CSMD1: variants seen among roughly 807,000 people sequenced by gnomAD.
CSMD1 encodes the protein CUB and sushi domain-containing protein 1.
A neutral mutation model predicts 417.5 loss-of-function variants in CSMD1; 213 were observed. The ratio of observed to expected loss-of-function variants is 0.51; its 90% confidence interval spans 0.46 to 0.57. The LOEUF (loss-of-function observed/expected upper bound fraction) is 0.57, where lower values mean the gene tolerates loss of function less well. CSMD1 is among the 20% of genes least tolerant of loss of function. CSMD1 has a pLI of 0.00. For missense variants in CSMD1, 6,923 were observed against 4,529.7 expected (o/e 1.53, Z -15.17); for synonymous variants, 2,862 against 1,736.8 (o/e 1.65, Z -16.11).
chr8:4,700,526 TAG>T (rs1274351540), intron 1 of CSMD1, among the ~76,000 whole-genome samples: 1 of 152,074 alleles, frequency 6.6e-6, no homozygotes, highest in Non-Finnish European at 1.5e-5. Context: ...AGGTGTCTAA[TAG>T]AGAGACAAGA....
At chr8:3,353,048 A>T (rs1393148384) in intron 21 of CSMD1, among the ~76,000 whole-genome samples, 1 of 152,192 alleles carries the variant, frequency 6.6e-6, no homozygotes, top group Non-Finnish European at 1.5e-5. Flanking sequence ...AACCCCAGGC[A>T]ATCTGTTATC....
At chr8:3,413,425 C>G (rs1484908092) in intron 12 of CSMD1, among the ~76,000 whole-genome samples, 1 of 152,190 alleles carries the variant, frequency 6.6e-6, no homozygotes, top group African/African-American at 2.4e-5. Context: ...TATCCTGATG[C>G]ATGGCTACGG....
intron 1 of CSMD1, among the ~76,000 whole-genome samples, chr8:4,981,266 G>A (rs2117433229): frequency 6.6e-6 from 1 of 152,332 alleles, no homozygotes; most frequent in African/African-American, 2.4e-5. Context: ...AAACATTTAA[G>A]CTCTGTCCAA....
At chr8:3,060,139 A>G (rs1470749541) in intron 49 of CSMD1, among the ~76,000 whole-genome samples, 1 of 149,760 alleles carries the variant, frequency 6.7e-6, no homozygotes, top group Non-Finnish European at 1.5e-5. Flanking sequence ...CTGTCCTAAA[A>G]ATTACTAACA....
intron 3 of CSMD1, among the ~76,000 whole-genome samples, chr8:4,384,823 C>G (rs1321073769): frequency 2.0e-5 from 3 of 152,144 alleles, no homozygotes; most frequent in Admixed American, 6.5e-5. Flanking sequence ...ATTATGCTAC[C>G]TAATTTGAGT....
intron 3 of CSMD1, among the ~76,000 whole-genome samples, chr8:4,320,666 T>C (rs1484625040): frequency 6.6e-6 from 1 of 152,186 alleles, no homozygotes; most frequent in African/African-American, 2.4e-5. Flanking sequence ...GCTTCATCGA[T>C]GTCCTGCAAA....
intron 2 of CSMD1, among the ~76,000 whole-genome samples, chr8:4,552,611 G>A (rs77741646): frequency 2.6e-5 from 4 of 151,810 alleles, no homozygotes; most frequent in African/African-American, 2.4e-5. Context: ...ATCACAGTGA[G>A]TTTCAATTGG....
At chr8:3,987,413 G>T (rs901009199) in intron 5 of CSMD1, among the ~76,000 whole-genome samples, 2 of 152,162 alleles carry the variant, frequency 1.3e-5, no homozygotes, top group African/African-American at 4.8e-5. Flanking sequence ...TACAGGGGTT[G>T]TCTGTCTCCG....
rs117166307 is a variant in CSMD1 at position 4,324,684 on chromosome 8, G to A, written c.415+95269C>T. ...AAGATCCAGCTCAGAGGATATAAGG[G>A]CAAAATCCAATTTGCCCTGTTTTCC... On this transcript the variant is annotated intron_variant, in intron 3 of 69. Coordinates refer to ENST00000635120, the MANE Select transcript of CSMD1 (RefSeq NM_033225.6). Among the ~76,000 whole-genome samples the A allele has an allele frequency of 3.5e-4, 54 of 152,290 alleles. 1 individual carries two copies. The East Asian group carries it at 7.3e-3, about 21-fold the overall frequency.
chr8:4,182,552 A>G (rs1002154793), intron 3 of CSMD1, among the ~76,000 whole-genome samples: 1 of 152,142 alleles, frequency 6.6e-6, no homozygotes, highest in African/African-American at 2.4e-5. Flanking sequence ...TTCCTTTCAA[A>G]CATAATGATG....
At chr8:2,968,424 C>CA (rs1391353120) in intron 57 of CSMD1, among the ~76,000 whole-genome samples, 1 of 152,166 alleles carries the variant, frequency 6.6e-6, no homozygotes. Context: ...TTAAACAAGT[C>CA]AAATAACCGA....
chr8:4,233,201 T>A (rs1036659019), intron 3 of CSMD1, among the ~76,000 whole-genome samples: 3 of 152,210 alleles, frequency 2.0e-5, no homozygotes, highest in African/African-American at 7.2e-5. Context: ...ACATATCATT[T>A]TCTTCAATTT....
intron 3 of CSMD1, among the ~76,000 whole-genome samples, chr8:4,224,371 C>G (rs1246869900): frequency 6.6e-6 from 1 of 152,132 alleles, no homozygotes; most frequent in East Asian, 1.9e-4. Context: ...TGCGCAACAG[C>G]ACATATTTTG....
intron 26 of CSMD1, among the ~76,000 whole-genome samples, chr8:3,260,274 C>G (rs543652719): frequency 1.3e-5 from 2 of 152,096 alleles, no homozygotes; most frequent in African/African-American, 4.8e-5. Flanking sequence ...GTGAGATCCT[C>G]GCCCAGAATA....
At chr8:3,715,316 C>T (rs1445852939) in intron 6 of CSMD1, among the ~76,000 whole-genome samples, 1 of 152,148 alleles carries the variant, frequency 6.6e-6, no homozygotes, top group Non-Finnish European at 1.5e-5. Flanking sequence ...TCAGTAGGAG[C>T]TATGTCTCTA....
intron 25 of CSMD1, among the ~76,000 whole-genome samples, chr8:3,303,069 A>C (rs956528686): frequency 6.6e-6 from 1 of 152,060 alleles, no homozygotes; most frequent in Non-Finnish European, 1.5e-5. Context: ...AAATTACTTA[A>C]ATTGTTATTT....
At chr8:4,767,948 G>C (rs543944618) in intron 1 of CSMD1, among the ~76,000 whole-genome samples, 33 of 152,182 alleles carry the variant, frequency 2.2e-4, no homozygotes, top group African/African-American at 7.5e-4. Context: ...TGCATCCTTC[G>C]TACTCGAGGG....
intron 2 of CSMD1, among the ~76,000 whole-genome samples, chr8:4,470,044 G>A (rs931571851): frequency 3.3e-5 from 5 of 151,756 alleles, no homozygotes; most frequent in Admixed American, 2.0e-4. Flanking sequence ...ATTTCTTTTT[G>A]TATTTTTAGT....
intron 50 of CSMD1, among the ~76,000 whole-genome samples, chr8:3,041,410 C>T (rs1333209551): frequency 6.6e-6 from 1 of 152,090 alleles, no homozygotes; most frequent in Non-Finnish European, 1.5e-5. Flanking sequence ...CATAAATATG[C>T]TTGAAAAGGC....
Sources: allele counts gnomAD v4.1 joint callset (sites outside exome capture counted in the v4.1 genomes callset), GRCh38; gene constraint gnomAD v4.1.1; transcripts MANE v1.5; gene names NCBI Gene and HGNC (gene_info 2026-07-23, HGNC 2026-07-21).